SMO: variants seen among roughly 807,000 people sequenced by gnomAD.
SMO encodes smoothened, frizzled class receptor.
In SMO, 40 loss-of-function variants were observed where a neutral mutation model predicts 81.6. The ratio of observed to expected loss-of-function variants is 0.49; its 90% CI spans 0.38 to 0.64. SMO has a LOEUF of 0.64. Ranked by LOEUF, SMO falls within the 30% of genes least tolerant of loss-of-function variation. SMO has a pLI of 0.00. For synonymous variants in SMO, 434 were observed against 432.1 expected (o/e 1.00, Z -0.05); for missense variants, 916 against 1,061.1 (o/e 0.86, Z 1.90).
chr7:129,211,851 CGGA>C lies in SMO; in HGVS notation c.1936+91_1936+93del. 2.6e-6 allele frequency: 4 copies of C among 1,560,018 alleles called. No individual in the cohort carries two copies. Among genetic ancestry groups the C allele is most frequent in the Non-Finnish European group, 3.5e-6 (4 of 1,134,210 alleles). ...TCTGGGACTGGAGTACAGGGGCTGT[CGGA>C]GGAGGAGGAAGAGGAAGGAAAGGCC... On this transcript the variant is annotated intron_variant, in intron 11 of 11. Coordinates refer to ENST00000249373, the MANE Select transcript of SMO (RefSeq NM_005631.5). This position sits in a 1 kb window ranked among gnomAD's most constrained non-coding sequence, Gnocchi z 4.6.
At chr7:129,200,382 CTG>C (rs1330749390) in intron 1 of SMO, among the ~76,000 whole-genome samples, 3 of 152,276 alleles carry the variant, frequency 2.0e-5, no homozygotes, top group African/African-American at 7.2e-5. Context: ...GATCACATTA[CTG>C]CACTCCAGCC....
At position 129,205,300 on chromosome 7, in the gene SMO, G is replaced by C. The variant is rs746359530; in HGVS notation, c.635G>C (p.Gly212Ala). 1.2e-6 allele frequency: 2 copies of C among 1,614,150 alleles called. No individual in the cohort carries two copies. Among genetic ancestry groups the C allele is most frequent in the Non-Finnish European group, 8.5e-7 (1 of 1,179,968 alleles). The change falls in exon 3 of 12, where the codon GGC (glycine) becomes GCC (alanine). Residue 212 changes from glycine (G) to alanine (A), a missense_variant. Gly to Ala is a moderately conservative substitution (Grantham distance 60). Coordinates refer to ENST00000249373, the MANE Select transcript of SMO (RefSeq NM_005631.5). ...AAGAGCTGGTACGAGGACGTGGAGG[G>C]CTGCGGCATCCAGTGCCAGAACCCG... ...NPKSWYEDVEGCGIQCQNPLF... is the reference protein window; with the variant it reads ...NPKSWYEDVEACGIQCQNPLF...
At position 129,210,357 on chromosome 7, in the gene SMO, C is replaced by T. The variant is rs749987059; in HGVS notation, c.1467-6C>T. On this transcript the variant is annotated splice_region_variant and splice_polypyrimidine_tract_variant and intron_variant, in intron 8 of 11. Transcript: ENST00000249373. This position sits in a 1 kb window ranked among gnomAD's most constrained non-coding sequence, Gnocchi z 4.7. The stretch of plus-strand genomic sequence containing the variant: ...AGCCTCACCTGTCTACGTTCCCTCA[C>T]TGTAGATGTCAGGCCAATGTGACCA... 2.5e-6 allele frequency: 4 copies of T among 1,610,276 alleles called. No homozygotes were observed. The East Asian group carries it at 6.7e-5, about 27-fold the overall frequency.
In SMO at chr7:129,206,610, C is replaced by CAA; in HGVS notation, c.1264+23_1264+24insAA. The CAA allele has an allele frequency of 1.2e-6, 2 of 1,612,492 alleles. No homozygotes were observed. The highest frequency in any genetic ancestry group is 1.7e-6 in the Non-Finnish European group (2 of 1,179,054). On this transcript the variant is annotated intron_variant, in intron 6 of 11. Coordinates refer to ENST00000249373, the MANE Select transcript of SMO (RefSeq NM_005631.5). The surrounding 1 kb of genome is among the most constrained non-coding windows in gnomAD (Gnocchi z 4.4). Reference sequence around the variant, plus strand: ...GAGGTGAGTGAAGACCAGGCCAGGACCAGTTGGGCAACAAAATATACTGGG... The same window carrying CAA: ...GAGGTGAGTGAAGACCAGGCCAGGACAACAGTTGGGCAACAAAATATACTGGG...
intron 1 of SMO, among the ~76,000 whole-genome samples, chr7:129,195,708 TATA>T (rs1251378759): frequency 6.6e-6 from 1 of 152,200 alleles, no homozygotes; most frequent in East Asian, 1.9e-4. Flanking sequence ...TAATAACAAC[TATA>T]ATATCAAAGT....
chr7:129,200,200 G>A (rs573730288), intron 1 of SMO, among the ~76,000 whole-genome samples: 4 of 152,244 alleles, frequency 2.6e-5, no homozygotes, highest in African/African-American at 9.6e-5. Flanking sequence ...GGTGGATCAC[G>A]AGGTCAGGAG....
Position 129,208,791 on chromosome 7 carries a change from C to G in SMO, c.1297C>G (p.His433Asp). 6.2e-7 allele frequency: 1 copy of G among 1,613,874 alleles called. No homozygotes were observed. The highest frequency in any genetic ancestry group is 8.5e-7 in the Non-Finnish European group (1 of 1,179,840). Reference sequence around the variant, plus strand: ...GACTCTGTTCTCCATCAAGAGCAACCACCCCGGGCTGCTGAGTGAGAAGGC... The same window carrying G: ...GACTCTGTTCTCCATCAAGAGCAACGACCCCGGGCTGCTGAGTGAGAAGGC... ...VMTLFSIKSN[H>D]PGLLSEKAAS... The change falls in exon 7 of 12, where the codon CAC (histidine) becomes GAC (aspartate). Residue 433 changes from histidine to aspartate, a missense_variant. Physicochemically the swap from His to Asp is moderately conservative, Grantham distance 81 (BLOSUM62 -1). Transcript: ENST00000249373. The surrounding 1 kb of genome is among the most constrained non-coding windows in gnomAD (Gnocchi z 5.2).
chr7:129,189,298 G>T lies in SMO; in HGVS notation c.147G>T (p.Arg49Ser). The change falls in exon 1 of 12, where the codon AGG becomes AGT. Residue 49 changes from arginine (R) to serine (S), a missense_variant. By Grantham distance (110) the Arg-to-Ser change is moderately radical. Coordinates refer to ENST00000249373, the MANE Select transcript of SMO (RefSeq NM_005631.5). This position sits in a 1 kb window ranked among gnomAD's most constrained non-coding sequence, Gnocchi z 4.7. ...CTCGGAGCGCGGGCGGGAGCGCGAG[G>T]AGGAGCGCGGCGGTGACTGGCCCTC... Reference protein sequence around the residue: ...PGPRSAGGSARRSAAVTGPPP... With the variant: ...PGPRSAGGSASRSAAVTGPPP... 1 of 1,441,996 alleles carries T rather than the reference G, an allele frequency of 6.9e-7. No homozygotes were observed. The highest frequency in any genetic ancestry group is 9.0e-7 in the Non-Finnish European group (1 of 1,107,844). The allele number at this position is 1,441,996 out of a possible 1,614,324, so 89.3% of individuals were successfully genotyped here.
chr7:129,190,499 G>T (rs866398985), intron 1 of SMO, among the ~76,000 whole-genome samples: 5 of 152,232 alleles, frequency 3.3e-5, no homozygotes, highest in Admixed American at 3.3e-4. Flanking sequence ...GCCAGGAGCA[G>T]AACTGGGAGC....
chr7:129,202,366 C>T (rs1014346689), intron 1 of SMO, among the ~76,000 whole-genome samples: 1 of 152,276 alleles, frequency 6.6e-6, no homozygotes, highest in East Asian at 1.9e-4. Context: ...ATGTTGCCTT[C>T]CCCCGAAAAG....
intron 1 of SMO, among the ~76,000 whole-genome samples, chr7:129,193,851 T>TCTTAGCAC (rs1793525327): frequency 8.0e-6 from 1 of 125,136 alleles, no homozygotes; most frequent in Non-Finnish European, 1.6e-5. Context: ...ACACCTGTAA[T>TCTTAGCAC]CTTAGCACTT....
chr7:129,193,993 T>C (rs1470720931), intron 1 of SMO, among the ~76,000 whole-genome samples: 1 of 147,388 alleles, frequency 6.8e-6, no homozygotes. Flanking sequence ...CCAGCTACAC[T>C]GGAGGCTGAG....
At chr7:129,198,134 T>C (rs1410793313) in intron 1 of SMO, among the ~76,000 whole-genome samples, 2 of 152,200 alleles carry the variant, frequency 1.3e-5, no homozygotes, top group African/African-American at 4.8e-5. Flanking sequence ...TGTTTTTTTG[T>C]AGAGATGGGG....
In SMO at chr7:129,189,973, A is replaced by G. The variant is rs1430360199; in HGVS notation, c.331+491A>G. Among the ~76,000 whole-genome samples the G allele has an allele frequency of 6.6e-6, 1 of 151,884 alleles. No homozygotes were observed. The highest frequency in any genetic ancestry group is 1.5e-5 in the Non-Finnish European group (1 of 67,964). On this transcript the variant is annotated intron_variant, in intron 1 of 11. Transcript: ENST00000249373. The surrounding 1 kb of genome is among the most constrained non-coding windows in gnomAD (Gnocchi z 4.7). Reference sequence around the variant, plus strand: ...CGAGTGAAGTTTTGAAGGAAAAGAAACCTCCCTAGTGATGAATTATTAAAA... The same window carrying G: ...CGAGTGAAGTTTTGAAGGAAAAGAAGCCTCCCTAGTGATGAATTATTAAAA...
chr7:129,197,421 G>A (rs1793601314), intron 1 of SMO, among the ~76,000 whole-genome samples: 1 of 152,060 alleles, frequency 6.6e-6, no homozygotes. Context: ...ATAGATGGAT[G>A]TTGAATTTTA....
rs2150638264 is a variant in SMO, at chr7:129,189,378, A to G, written c.227A>G (p.Asn76Ser). 6.5e-7 allele frequency: 1 copy of G among 1,534,832 alleles called. No homozygotes were observed. The change falls in exon 1 of 12, where the codon AAC becomes AGC. Residue 76 changes from asparagine to serine, a missense_variant. This residue lies in a region of SMO where 146 missense variants were observed against 149.9 expected (regional missense o/e 0.97). Coordinates refer to ENST00000249373, the MANE Select transcript of SMO (RefSeq NM_005631.5). This position sits in a 1 kb window ranked among gnomAD's most constrained non-coding sequence, Gnocchi z 4.7. The part of the protein sequence containing the change: ...RAAPCEPLRY[N>S]VCLGSVLPYG... ...GCCCCCTGCGAGCCGCTGCGCTACA[A>G]CGTGTGCCTGGGCTCGGTGCTGCCC...
In SMO at chr7:129,189,593, C is replaced by T. The variant is rs1001767244; in HGVS notation, c.331+111C>T. Reference sequence around the variant, plus strand: ...GTTTTGGAGAGGGCGGGGACAGCACCCGGGAGAGTTGGAGGGACAGATCCC... The same window carrying T: ...GTTTTGGAGAGGGCGGGGACAGCACTCGGGAGAGTTGGAGGGACAGATCCC... On this transcript the variant is annotated intron_variant, in intron 1 of 11. Coordinates refer to ENST00000249373, the MANE Select transcript of SMO (RefSeq NM_005631.5). This position sits in a 1 kb window ranked among gnomAD's most constrained non-coding sequence, Gnocchi z 4.7. 2.5e-6 allele frequency: 3 copies of T among 1,209,612 alleles called. No individual in the cohort carries two copies. The highest frequency in any genetic ancestry group is 3.4e-6 in the Non-Finnish European group (3 of 877,302). 74.9% of individuals were successfully genotyped at this position (1,209,612 alleles called of 1,614,324 possible). A position where few individuals can be genotyped will look rare whatever the true frequency, so the allele number is the denominator to read the frequency against.
intron 1 of SMO, among the ~76,000 whole-genome samples, chr7:129,201,912 C>T (rs1793677076): frequency 6.6e-6 from 1 of 152,082 alleles, no homozygotes. Context: ...AACTCCTAGC[C>T]TCAGGTGATC....
intron 1 of SMO, among the ~76,000 whole-genome samples, chr7:129,193,262 G>A (rs1374447469): frequency 1.3e-5 from 2 of 152,206 alleles, no homozygotes; most frequent in Non-Finnish European, 1.5e-5. Context: ...GTACATAAGT[G>A]TGTGGCCCTG....
Sources: allele counts gnomAD v4.1 joint callset (sites outside exome capture counted in the v4.1 genomes callset), GRCh38; gene constraint gnomAD v4.1.1; regional missense constraint gnomAD v4.1.1; non-coding constraint Gnocchi (gnomAD v3.1); transcripts MANE v1.5; gene names NCBI Gene and HGNC (gene_info 2026-07-23, HGNC 2026-07-21).